CADM2: variants seen among roughly 807,000 people sequenced by gnomAD.
CADM2 encodes cell adhesion molecule 2.
A neutral mutation model predicts 49.8 loss-of-function variants in CADM2; 12 were observed. That is an observed-to-expected ratio of 0.24 (90% confidence interval 0.15 to 0.39). CADM2 has a LOEUF of 0.39. Among genes scored for constraint, CADM2 ranks in the 10% least tolerant of loss-of-function variants. The pLI is 1.00. For missense variants in CADM2, 378 were observed against 492.3 expected (o/e 0.77, Z 2.20); for synonymous variants, 214 against 175.4 (o/e 1.22, Z -1.74).
At chr3:85,067,900 C>T (rs920532039) in intron 1 of CADM2, among the ~76,000 whole-genome samples, 4 of 152,114 alleles carry the variant, frequency 2.6e-5, no homozygotes, top group Non-Finnish European at 5.9e-5. Context: ...GGCAATCTGA[C>T]ACAGTTGGGG....
At chr3:85,034,411 G>T (rs967008845) in intron 1 of CADM2, among the ~76,000 whole-genome samples, 3 of 152,098 alleles carry the variant, frequency 2.0e-5, no homozygotes, top group African/African-American at 7.2e-5. Flanking sequence ...TATTTATGTT[G>T]CTGCAAGTGA....
chr3:85,658,833 T>C (rs1474043043), intron 1 of CADM2, among the ~76,000 whole-genome samples: 1 of 149,866 alleles, frequency 6.7e-6, no homozygotes, highest in African/African-American at 2.4e-5. Context: ...GGAGAATCAC[T>C]TAATGCCAGG....
intron 3 of CADM2, among the ~76,000 whole-genome samples, chr3:85,803,666 G>A (rs540203791): frequency 2.0e-5 from 3 of 152,246 alleles, no homozygotes; most frequent in African/African-American, 4.8e-5. Context: ...CAGAGGCAGT[G>A]TCAGGGAGAA....
intron 1 of CADM2, among the ~76,000 whole-genome samples, chr3:85,374,158 C>T (rs951248626): frequency 1.1e-4 from 17 of 152,064 alleles, no homozygotes; most frequent in African/African-American, 4.1e-4. Flanking sequence ...AGTTCCAATA[C>T]CAAACCATAT....
intron 3 of CADM2, among the ~76,000 whole-genome samples, chr3:85,838,224 C>A (rs2074487395): frequency 6.6e-6 from 1 of 151,776 alleles, no homozygotes; most frequent in South Asian, 2.1e-4. Flanking sequence ...GGGCTTGAAT[C>A]TTCTGCATCT....
At chr3:85,460,008 T>G (rs896325371) in intron 1 of CADM2, among the ~76,000 whole-genome samples, 12 of 152,216 alleles carry the variant, frequency 7.9e-5, no homozygotes, top group African/African-American at 2.9e-4. Flanking sequence ...TAAATCACTT[T>G]TAGGCTTTAC....
At chr3:85,539,962 G>A (rs573127882) in intron 1 of CADM2, among the ~76,000 whole-genome samples, 4 of 152,168 alleles carry the variant, frequency 2.6e-5, no homozygotes, top group African/African-American at 9.6e-5. Context: ...AATATGACTG[G>A]GGATGATAAT....
rs538823693 is a variant in CADM2, at chr3:85,197,925, T to G, written c.61+238257T>G. On this transcript the variant is annotated intron_variant, in intron 1 of 9. Coordinates refer to ENST00000383699, the MANE Select transcript of CADM2 (RefSeq NM_001167675.2). ...GATTCATCATTCATATGAAGTCTTTTGTCTTCAAGTCAGGTTGTTTTGCTG... is the reference window on the plus strand; with the variant it reads ...GATTCATCATTCATATGAAGTCTTTGGTCTTCAAGTCAGGTTGTTTTGCTG... Among the ~76,000 whole-genome samples, 3 of 152,052 alleles carry G rather than the reference T, an allele frequency of 2.0e-5. No homozygotes were observed. In the South Asian group the frequency reaches 6.2e-4, roughly 31 times the overall value.
At chr3:85,070,572 T>C (rs1177876265) in intron 1 of CADM2, among the ~76,000 whole-genome samples, 4 of 106,924 alleles carry the variant, frequency 3.7e-5, no homozygotes, top group South Asian at 2.7e-4. Context: ...TGGTCTTTTG[T>C]CACTATATCC....
intron 3 of CADM2, among the ~76,000 whole-genome samples, chr3:85,828,376 A>T (rs1471843219): frequency 6.6e-6 from 1 of 151,992 alleles, no homozygotes; most frequent in East Asian, 1.9e-4. Flanking sequence ...TAAAACAGGA[A>T]TAATCTTTGA....
At chr3:85,439,312 C>T (rs9868427) in intron 1 of CADM2, among the ~76,000 whole-genome samples, 37,888 of 151,560 alleles carry the variant, frequency 0.25, 4,912 homozygotes, top group South Asian at 0.34. Context: ...CACCACCACT[C>T]CTGGCTAATT....
intron 1 of CADM2, among the ~76,000 whole-genome samples, chr3:85,564,570 G>T (rs2062199379): frequency 6.6e-6 from 1 of 151,984 alleles, no homozygotes; most frequent in Admixed American, 6.6e-5. Flanking sequence ...ATTTAAATAA[G>T]ATATGTAATA....
chr3:85,272,772 G>A (rs77609068), intron 1 of CADM2, among the ~76,000 whole-genome samples: 2,019 of 151,142 alleles, frequency 0.013, 49 homozygotes, highest in African/African-American at 0.046. Context: ...GTGCTTATTC[G>A]TCCATTCAGT....
At chr3:85,893,205 C>T (rs1027292158) in intron 5 of CADM2, among the ~76,000 whole-genome samples, 6 of 152,142 alleles carry the variant, frequency 3.9e-5, no homozygotes, top group Admixed American at 3.9e-4. Context: ...AAATTTGCAG[C>T]CTACTGATGT....
chr3:85,468,182 CAT>C (rs2038602737), intron 1 of CADM2, among the ~76,000 whole-genome samples: 2 of 103,174 alleles, frequency 1.9e-5, no homozygotes, highest in African/African-American at 7.7e-5. Flanking sequence ...AAAAAAAAAA[CAT>C]TGAGGCAGGA....
chr3:85,071,954 A>G (rs1031536537), intron 1 of CADM2, among the ~76,000 whole-genome samples: 2 of 150,686 alleles, frequency 1.3e-5, no homozygotes, highest in African/African-American at 4.9e-5. Flanking sequence ...ATTTTCTTCT[A>G]TATAATAATA....
chr3:85,230,999 G>GAAAA (rs554941422), intron 1 of CADM2, among the ~76,000 whole-genome samples: 1 of 144,996 alleles, frequency 6.9e-6, no homozygotes, highest in African/African-American at 2.5e-5. Context: ...TTTTTTTCTG[G>GAAAA]AAAAAAAAAA....
At chr3:85,544,770 T>G in intron 1 of CADM2, among the ~76,000 whole-genome samples, 1 of 151,806 alleles carries the variant, frequency 6.6e-6, no homozygotes, top group East Asian at 1.9e-4. Context: ...TTTACAATTT[T>G]GCATATCTCA....
intron 1 of CADM2, among the ~76,000 whole-genome samples, chr3:85,326,524 T>C (rs1328373593): frequency 1.3e-5 from 2 of 152,196 alleles, no homozygotes; most frequent in Non-Finnish European, 2.9e-5. Flanking sequence ...TAAACGTATG[T>C]ATTTTTTCAA....
Sources: allele counts gnomAD v4.1 joint callset (sites outside exome capture counted in the v4.1 genomes callset), GRCh38; gene constraint gnomAD v4.1.1; transcripts MANE v1.5; gene names NCBI Gene and HGNC (gene_info 2026-07-23, HGNC 2026-07-21).